Variants in TJP3 observed in about 807,000 individuals in gnomAD.
The protein encoded by TJP3 is tight junction protein 3, also known as tight junction protein ZO-3.
In TJP3, 85 loss-of-function variants were observed where a neutral mutation model predicts 104.2. The ratio of observed to expected loss-of-function variants is 0.82; its 90% CI spans 0.68 to 0.98. The LOEUF is 0.98. TJP3 is among the 50% of genes least tolerant of loss of function. The pLI, the probability that TJP3 is intolerant of heterozygous loss-of-function variation, is 0.00. For missense variants in TJP3, 1,367 were observed against 1,322.8 expected, an observed-to-expected ratio of 1.03 and a Z score of -0.52; for synonymous variants, 550 against 550.6, an observed-to-expected ratio of 1.00 and a Z score of 0.02.
rs541111472 is a variant in TJP3 at position 3,750,593 on chromosome 19, G to A, written c.2669G>A (p.Arg890Gln). ...WRQDSMRTYE[R>Q]EALKKKFMRV... is the part of the protein sequence containing the mutation. ...TTCCTGATCCCCAGAACCTATGAAC[G>A]GGAAGCCCTGAAGAAAAAGTTTATG... The change falls in exon 21 of 21, where the codon CGG becomes CAG. Residue 890 changes from arginine to glutamine, a missense_variant. Transcript: ENST00000541714. The A allele has an allele frequency of 7.3e-5, 118 of 1,605,630 alleles. No homozygotes were observed. The highest frequency in any genetic ancestry group is 1.7e-4 in the Middle Eastern group (1 of 6,056).
At chr19:3,744,160 C>CT in intron 15 of TJP3, 126 bp downstream of exon 15, 1 of 774,338 alleles carries the variant, frequency 1.3e-6, no homozygotes, top group Non-Finnish European at 2.1e-6. Context: ...CCAGTGCCCC[C>CT]CCCAATACCC....
intron 1 of TJP3, among the ~76,000 whole-genome samples, chr19:3,714,936 T>C (rs1232513688): frequency 1.3e-5 from 2 of 152,362 alleles, no homozygotes; most frequent in East Asian, 1.9e-4. Flanking sequence ...TTTTGTTGAC[T>C]GAGTGACTGA....
rs2036776434 is a variant in TJP3, at chr19:3,739,026, T to C, written c.1523T>C (p.Leu508Pro). Residue 508 changes from leucine (L) to proline (P), a missense_variant, in exon 13 of 21, where the codon CTG becomes CCG. Coordinates refer to ENST00000541714, the MANE Select transcript of TJP3 (RefSeq NM_001267560.2). The part of the protein sequence containing the change: ...RGDVFHVLDT[L>P]HPGPGQSHAR... ...GACGTCTTCCACGTGCTGGACACGC[T>C]GCACCCCGGCCCCGGGCAGAGCCAC... 6.2e-7 allele frequency: 1 copy of C among 1,612,374 alleles called. No homozygotes were observed. The highest frequency in any genetic ancestry group is 1.3e-5 in the African/African-American group (1 of 74,944).
chr19:3,738,528 T>A, intron 11 of TJP3, 27 bp from the exon 12 acceptor site: 1 of 1,602,130 alleles, frequency 6.2e-7, no homozygotes. Flanking sequence ...CAGAGCTTTT[T>A]CTATAGCTGC....
At chr19:3,738,727 G>C (rs1403556224) in intron 12 of TJP3, 64 bp downstream of exon 12, 1 of 1,469,438 alleles carries the variant, frequency 6.8e-7, no homozygotes, top group African/African-American at 1.4e-5. Flanking sequence ...TGTGTGGCCT[G>C]GTGGTGAGTG....
rs749302677 is a variant in TJP3, at chr19:3,739,150, T to C, written c.1631+16T>C. The C allele has an allele frequency of 2.0e-6, 3 of 1,507,040 alleles. No homozygotes were observed. The highest frequency in any genetic ancestry group is 2.7e-6 in the Non-Finnish European group (3 of 1,126,530). 93.4% of individuals were successfully genotyped at this position (1,507,040 alleles called of 1,614,324 possible). A position where few individuals can be genotyped will look rare whatever the true frequency, so the allele number is the denominator to read the frequency against. ...ACCAGAGCAGGTGGGGACTGTGTGC[T>C]CCTGCAGTGGGGCACTTCTGCTTCA... On this transcript the variant is annotated intron_variant, in intron 13 of 20. Transcript: ENST00000541714.
Position 3,746,432 on chromosome 19 carries a change from C to T in TJP3, c.2011-53C>T, listed in dbSNP as rs2036889216. ...TCTTCATCTTTCTATCTTTCTCTCTCTGTTTACCCTGCTGCAATCCCCCTC... is the reference window on the plus strand; with the variant it reads ...TCTTCATCTTTCTATCTTTCTCTCTTTGTTTACCCTGCTGCAATCCCCCTC... On this transcript the variant is annotated intron_variant, in intron 16 of 20. Transcript: ENST00000541714. The surrounding 1 kb of genome is among the most constrained non-coding windows in gnomAD (Gnocchi z 4.1). 1 of 1,581,586 alleles carries T rather than the reference C, an allele frequency of 6.3e-7. No homozygotes were observed. The highest frequency in any genetic ancestry group is 1.7e-5 in the Admixed American group (1 of 59,128).
intron 11 of TJP3, 72 bp from the exon 12 acceptor site, chr19:3,738,483 G>T: frequency 7.4e-7 from 1 of 1,357,272 alleles, no homozygotes; most frequent in South Asian, 1.3e-5. Context: ...TTGCCCAGAG[G>T]AAGGTCCAGG....
At chr19:3,736,504 C>T (rs2036741698) in intron 11 of TJP3, among the ~76,000 whole-genome samples, 183 bp downstream of exon 11, 1 of 152,222 alleles carries the variant, frequency 6.6e-6, no homozygotes, top group Non-Finnish European at 1.5e-5. Context: ...ACGACCTTAT[C>T]TTCCAGGTCA....
In TJP3 at chr19:3,746,662, A is replaced by G; in HGVS notation, c.2188A>G (p.Lys730Glu). The G allele has an allele frequency of 1.2e-6, 2 of 1,613,172 alleles. No individual in the cohort carries two copies. The highest frequency in any genetic ancestry group is 1.7e-6 in the Non-Finnish European group (2 of 1,179,716). Reference sequence around the variant, plus strand: ...CCGTCGCCTCTACGCACAAGCCCAGAAGCTGCGAAAACACAGCAGCCACCT... The same window carrying G: ...CCGTCGCCTCTACGCACAAGCCCAGGAGCTGCGAAAACACAGCAGCCACCT... ...STRRLYAQAQ[K>E]LRKHSSHLFT... The change falls in exon 17 of 21, where the codon AAG becomes GAG. Residue 730 changes from lysine to glutamate, a missense_variant. Physicochemically the swap from Lys to Glu is moderately conservative, Grantham distance 56. Transcript: ENST00000541714. The surrounding 1 kb of genome is among the most constrained non-coding windows in gnomAD (Gnocchi z 4.1).
intron 14 of TJP3, 91 bp downstream of exon 14, chr19:3,740,854 G>A (rs936134734): frequency 1.6e-5 from 20 of 1,276,280 alleles, no homozygotes; most frequent in Middle Eastern, 3.0e-4. Flanking sequence ...AAAAGGCACA[G>A]TCTTGGCCCG....
rs574062933 is a variant in TJP3 at position 3,750,600 on chromosome 19, C to G, written c.2676C>G (p.Ala892=). The change falls in exon 21 of 21, where the codon GCC becomes GCG. Residue 892 remains alanine (A), a synonymous_variant. Coordinates refer to ENST00000541714, the MANE Select transcript of TJP3 (RefSeq NM_001267560.2). ...QDSMRTYERE[A]LKKKFMRVHD... is the part of the protein sequence containing the mutation. ...TCCCCAGAACCTATGAACGGGAAGC[C>G]CTGAAGAAAAAGTTTATGCGAGTAC... is the stretch of plus-strand genomic sequence containing the variant. 3 of 1,607,646 alleles carry G rather than the reference C, an allele frequency of 1.9e-6. No homozygotes were observed. The highest frequency in any genetic ancestry group is 2.7e-5 in the African/African-American group (2 of 74,956).
At chr19:3,723,357 G>A (rs1462460516) in intron 1 of TJP3, among the ~76,000 whole-genome samples, 1 of 152,170 alleles carries the variant, frequency 6.6e-6, no homozygotes, top group African/African-American at 2.4e-5. Context: ...GCCTGGAAAG[G>A]AGGCTGATGG....
rs574438068 is a variant in TJP3, at chr19:3,718,855, C to T, written c.-9-9569C>T. Among the ~76,000 whole-genome samples, 3 of 152,254 alleles carry T rather than the reference C, an allele frequency of 2.0e-5. No homozygotes were observed. In the South Asian group the frequency reaches 6.2e-4, roughly 32 times the overall value. On this transcript the variant is annotated intron_variant, in intron 1 of 20. Coordinates refer to ENST00000541714, the MANE Select transcript of TJP3 (RefSeq NM_001267560.2). ...CCGGTAGGGAATGATGTGTTTTTCTCACGACTCATTAAAACAAATACACGG... is the reference window on the plus strand; with the variant it reads ...CCGGTAGGGAATGATGTGTTTTTCTTACGACTCATTAAAACAAATACACGG...
At chr19:3,717,966 A>T (rs1318214138) in intron 1 of TJP3, among the ~76,000 whole-genome samples, 3 of 149,368 alleles carry the variant, frequency 2.0e-5, no homozygotes, top group East Asian at 4.0e-4. Context: ...CTATAATCCC[A>T]GCACTTAGGG....
chr19:3,728,215 G>A (rs2036621387), intron 1 of TJP3: 1 of 322,008 alleles, frequency 3.1e-6, no homozygotes, highest in African/African-American at 2.2e-5. Context: ...ACTCCAGCCT[G>A]GGCGACAGAG....
In TJP3 at chr19:3,728,562, T is replaced by C. The variant is rs200826434; in HGVS notation, c.49-42T>C. 134 of 1,601,958 alleles carry C rather than the reference T, an allele frequency of 8.4e-5. No homozygotes were observed. The African/African-American group carries it at 1.7e-3, about 20-fold the overall frequency. ...TCAATAGAGGGGAGACCCTTTACCC[T>C]GGGGGAAACAGCAGCTCTTCCTTCC... On this transcript the variant is annotated intron_variant, in intron 2 of 20. Coordinates refer to ENST00000541714, the MANE Select transcript of TJP3 (RefSeq NM_001267560.2).
rs367879011 is a variant in TJP3, at chr19:3,728,614, G to C, written c.59G>C (p.Arg20Pro). The C allele has an allele frequency of 5.0e-6, 8 of 1,612,792 alleles. No homozygotes were observed. Among genetic ancestry groups the C allele is most frequent in the Non-Finnish European group, 6.8e-6 (8 of 1,179,762 alleles). ...HTATLSKDPR[R>P]GFGIAISGGR... ...CTCATCCTCTCTCAGGACCCCCGCC[G>C]GGGCTTTGGCATTGCGATCTCTGGA... Residue 20 changes from arginine (R) to proline (P), a missense_variant, in exon 3 of 21, where the codon CGG becomes CCG. Physicochemically the swap from Arg to Pro is moderately radical, Grantham distance 103. Coordinates refer to ENST00000541714, the MANE Select transcript of TJP3 (RefSeq NM_001267560.2).
At chr19:3,749,418 C>T (rs546727230) in intron 19 of TJP3, among the ~76,000 whole-genome samples, 62 of 152,198 alleles carry the variant, frequency 4.1e-4, no homozygotes, top group East Asian at 1.9e-3. Context: ...TAGTTCGTTG[C>T]GGCCTCCAAC....
Sources: gnomAD v4.1 joint callset for allele counts (sites outside exome capture counted in the v4.1 genomes callset) on GRCh38, gnomAD v4.1.1 for gene constraint, Gnocchi (gnomAD v3.1) non-coding constraint, MANE v1.5 for transcripts, NCBI Gene and HGNC (gene_info 2026-07-23, HGNC 2026-07-21) for gene names.